ENPP6: variants seen among roughly 807,000 people sequenced by gnomAD.
ENPP6 encodes the protein ectonucleotide pyrophosphatase/phosphodiesterase 6.
Under a neutral mutation model 42.0 loss-of-function variants are expected in ENPP6, and 32 were observed. The ratio of observed to expected loss-of-function variants is 0.76; its 90% CI spans 0.58 to 1.02. ENPP6 has a LOEUF of 1.02. Among genes scored for constraint, ENPP6 ranks in the 50% least tolerant of loss-of-function variants. The pLI, the probability that ENPP6 is intolerant of heterozygous loss-of-function variation, is 0.00. For synonymous variants in ENPP6, 213 were observed against 216.0 expected (o/e 0.99, Z 0.12); for missense variants, 552 against 566.8 (o/e 0.97, Z 0.27).
chr4:184,203,850 T>C (rs1191839471), intron 1 of ENPP6: 1 of 152,234 alleles, frequency 6.6e-6, no homozygotes, highest in Non-Finnish European at 1.5e-5. Flanking sequence ...AAGTGGGCTG[T>C]GTAAAAAAAC....
chr4:184,201,617 C>T (rs1390553956), intron 1 of ENPP6, among the ~76,000 whole-genome samples: 1 of 152,192 alleles, frequency 6.6e-6, no homozygotes, highest in African/African-American at 2.4e-5. Flanking sequence ...CTCTGGTCAC[C>T]ATGGAAGCCA....
chr4:184,156,158 AT>A (rs974017159), intron 1 of ENPP6, among the ~76,000 whole-genome samples: 3 of 152,112 alleles, frequency 2.0e-5, no homozygotes, highest in African/African-American at 7.2e-5. Flanking sequence ...CTTTTGGTGG[AT>A]TGGGCCCTGA....
intron 1 of ENPP6, among the ~76,000 whole-genome samples, chr4:184,208,680 C>T (rs541490308): frequency 6.7e-6 from 1 of 149,048 alleles, no homozygotes; most frequent in African/African-American, 2.5e-5. Flanking sequence ...CCCGCCATTG[C>T]CCAGGCTTGC....
intron 6 of ENPP6, among the ~76,000 whole-genome samples, chr4:184,110,291 G>A (rs1166886856): frequency 6.6e-6 from 1 of 152,144 alleles, no homozygotes; most frequent in South Asian, 2.1e-4. Context: ...TCAGATCTCA[G>A]AACCAAAGCT....
chr4:184,130,452 GGA>G (rs1579624643), intron 2 of ENPP6, among the ~76,000 whole-genome samples: 1 of 94,560 alleles, frequency 1.1e-5, no homozygotes, highest in East Asian at 2.8e-4. Context: ...CAGCTACTCG[GGA>G]GGCTGAGGCA....
chr4:184,212,275 A>G (rs1400536395), intron 1 of ENPP6, among the ~76,000 whole-genome samples: 2 of 151,314 alleles, frequency 1.3e-5, no homozygotes, highest in East Asian at 1.9e-4. Context: ...AGGGTATTCA[A>G]TTAGGAAAAG....
At chr4:184,177,695 C>T (rs1343284419) in intron 1 of ENPP6, among the ~76,000 whole-genome samples, 1 of 151,936 alleles carries the variant, frequency 6.6e-6, no homozygotes, top group Non-Finnish European at 1.5e-5. Context: ...GCAGCCTCCA[C>T]TGGTGACACC....
At position 184,113,928 on chromosome 4, in the gene ENPP6, T is replaced by TTTCTTTCTTTCC. The variant is rs1294426149; in HGVS notation, c.856-1120_856-1119insGGAAAGAAAGAA. ...CTTTCTTTCTTTCTTTCTTTCTTTC[T>TTTCTTTCTTTCC]TTCTTTCTTTCTTTCTTTCTTTCTT... is the stretch of plus-strand genomic sequence containing the variant. On this transcript the variant is annotated intron_variant, in intron 5 of 7. Transcript: ENST00000296741. 1.3e-3 allele frequency among the ~76,000 whole-genome samples: 188 copies of TTTCTTTCTTTCC among 141,876 alleles called. 2 individuals carry two copies. Among genetic ancestry groups the TTTCTTTCTTTCC allele is most frequent in the Middle Eastern group, 3.5e-3 (1 of 282 alleles). 93.1% of individuals were successfully genotyped at this position (141,876 alleles called of 152,430 possible).
In ENPP6 at chr4:184,131,259, T is replaced by TTTCTTTCTTTC. The variant is rs1553996065; in HGVS notation, c.422-6988_422-6987insGAAAGAAAGAA. ...CCTTTTCTTTCTTTCTTTCTCTTTCTCTTCCTTCCTTCCTTCCTTCCTTCC... is the reference window on the plus strand; with the variant it reads ...CCTTTTCTTTCTTTCTTTCTCTTTCTTTCTTTCTTTCCTTCCTTCCTTCCTTCCTTCCTTCC... On this transcript the variant is annotated intron_variant, in intron 2 of 7. Coordinates refer to ENST00000296741, the MANE Select transcript of ENPP6 (RefSeq NM_153343.4). Among the ~76,000 whole-genome samples the TTTCTTTCTTTC allele has an allele frequency of 5.6e-4, 41 of 73,344 alleles. 3 individuals carry two copies. Among genetic ancestry groups the TTTCTTTCTTTC allele is most frequent in the Middle Eastern group, 5.5e-3 (1 of 182 alleles). The allele number at this position is 73,344 out of a possible 152,430, so 48.1% of individuals were successfully genotyped here.
chr4:184,206,393 G>A (rs1732999125), intron 1 of ENPP6, among the ~76,000 whole-genome samples: 1 of 107,272 alleles, frequency 9.3e-6, no homozygotes, highest in Admixed American at 1.0e-4. Context: ...GAGTAGCTGG[G>A]ACTACAGGCG....
intron 1 of ENPP6, among the ~76,000 whole-genome samples, chr4:184,203,180 A>C (rs1214419049): frequency 6.6e-6 from 1 of 152,084 alleles, no homozygotes; most frequent in Non-Finnish European, 1.5e-5. Flanking sequence ...GAACCAGGGA[A>C]GCGGAGGTTG....
At chr4:184,188,462 G>A (rs897001256) in intron 1 of ENPP6, among the ~76,000 whole-genome samples, 4 of 151,990 alleles carry the variant, frequency 2.6e-5, no homozygotes, top group Admixed American at 6.6e-5. Flanking sequence ...GGGGTCCCAC[G>A]CTCTGCTTGA....
At chr4:184,196,792 G>A (rs555478899) in intron 1 of ENPP6, among the ~76,000 whole-genome samples, 8 of 152,300 alleles carry the variant, frequency 5.3e-5, no homozygotes, top group Non-Finnish European at 1.0e-4. Flanking sequence ...AAAAGGGAGA[G>A]GTGAAGAGAT....
chr4:184,161,525 C>T (rs1451869236), intron 1 of ENPP6, among the ~76,000 whole-genome samples: 3 of 152,184 alleles, frequency 2.0e-5, no homozygotes, highest in Non-Finnish European at 4.4e-5. Flanking sequence ...CATCCCACTC[C>T]TGGGTATCTA....
chr4:184,185,756 G>C (rs1455019777), intron 1 of ENPP6, among the ~76,000 whole-genome samples: 3 of 152,140 alleles, frequency 2.0e-5, no homozygotes, highest in African/African-American at 7.2e-5. Context: ...AAACAAAAAG[G>C]CAAAACAATT....
chr4:184,154,108 C>T (rs755063545), intron 1 of ENPP6, among the ~76,000 whole-genome samples: 2 of 152,178 alleles, frequency 1.3e-5, no homozygotes, highest in Non-Finnish European at 2.9e-5. Context: ...TCTCTGCACC[C>T]TCCAAACCCT....
At chr4:184,101,101 C>T (rs140324752) in intron 6 of ENPP6, among the ~76,000 whole-genome samples, 4 of 152,102 alleles carry the variant, frequency 2.6e-5, no homozygotes, top group East Asian at 1.9e-4. Flanking sequence ...TCAGTGGGGA[C>T]GCAGCTGTGT....
At chr4:184,110,680 T>C (rs76186174) in intron 6 of ENPP6, among the ~76,000 whole-genome samples, 3,087 of 152,272 alleles carry the variant, frequency 0.02, 108 homozygotes, top group African/African-American at 0.071. Flanking sequence ...CCTTGTGACG[T>C]TGAAGAAAGC....
chr4:184,172,046 C>T (rs1051369961), intron 1 of ENPP6, among the ~76,000 whole-genome samples: 1 of 151,962 alleles, frequency 6.6e-6, no homozygotes, highest in African/African-American at 2.4e-5. Context: ...TGAGATGACG[C>T]TTGAGTGGTG....
Sources: allele counts gnomAD v4.1 joint callset (sites outside exome capture counted in the v4.1 genomes callset), GRCh38; gene constraint gnomAD v4.1.1; transcripts MANE v1.5; gene names NCBI Gene and HGNC (gene_info 2026-07-23, HGNC 2026-07-21).